Variants in PLA1A observed in about 807,000 individuals in gnomAD.
PLA1A encodes phospholipase A1 member A.
In PLA1A, 47 loss-of-function variants were observed where a neutral mutation model predicts 49.4. The observed-to-expected ratio is 0.95, with a 90% CI of 0.75 to 1.21. PLA1A has a LOEUF of 1.21. Ranked by LOEUF, PLA1A falls within the 50% of genes most tolerant of loss-of-function variation. The probability of loss-of-function intolerance (pLI) is 0.00; values close to 1 mark genes in which losing one functional copy is unlikely to be tolerated. For missense variants in PLA1A, 561 were observed against 563.9 expected (o/e 0.99, Z 0.05); for synonymous variants, 224 against 207.9 (o/e 1.08, Z -0.67).
intron 1 of PLA1A, among the ~76,000 whole-genome samples, chr3:119,606,540 G>A (rs1010558544): frequency 6.6e-6 from 1 of 152,090 alleles, no homozygotes; most frequent in Non-Finnish European, 1.5e-5. Context: ...TCATCTAGTT[G>A]AGCAATATTC....
At chr3:119,628,983 C>T in intron 10 of PLA1A, 118 bp downstream of exon 10, 1 of 839,792 alleles carries the variant, frequency 1.2e-6, no homozygotes, top group Admixed American at 2.3e-5. Flanking sequence ...ATCTTAGAAG[C>T]AGAGATGACA....
In PLA1A at chr3:119,629,497, C is replaced by A. The variant is rs762315018; in HGVS notation, c.*29C>A. On this transcript the variant is annotated 3_prime_UTR_variant, in exon 11 of 11. Transcript: ENST00000273371. ...AACCTGGGCAGGACACATCTCCCTG[C>A]ATTTTTTTTTTTTTTTTGAGAGAGA... The A allele has an allele frequency of 1.1e-4, 101 of 892,572 alleles. No individual in the cohort carries two copies. The highest frequency in any genetic ancestry group is 1.5e-4 in the Non-Finnish European group (91 of 617,016). 55.3% of individuals were successfully genotyped at this position (892,572 alleles called of 1,614,324 possible). A position where few individuals can be genotyped will look rare whatever the true frequency, so the allele number is the denominator to read the frequency against.
intron 6 of PLA1A, among the ~76,000 whole-genome samples, chr3:119,617,244 A>G (rs570467153): frequency 2.0e-5 from 3 of 152,348 alleles, no homozygotes; most frequent in South Asian, 4.1e-4. Flanking sequence ...GCCTCAGCAC[A>G]TTGGGTGTAG....
At chr3:119,598,032 A>T in intron 1 of PLA1A, 46 bp downstream of exon 1, 1 of 1,240,980 alleles carries the variant, frequency 8.1e-7, no homozygotes, top group Non-Finnish European at 1.2e-6. Context: ...TCAGTCAGTG[A>T]TCATATTTCT....
Position 119,616,194 on chromosome 3 carries a change from A to C in PLA1A, c.754+93A>C, listed in dbSNP as rs1443009079. ...TTGAGTCAGCCAGAGTGGGCCATAGAGGGTCTACTTGACAGTGTCCTTTGC... is the reference window on the plus strand; with the variant it reads ...TTGAGTCAGCCAGAGTGGGCCATAGCGGGTCTACTTGACAGTGTCCTTTGC... On this transcript the variant is annotated intron_variant, in intron 6 of 10. Coordinates refer to ENST00000273371, the MANE Select transcript of PLA1A (RefSeq NM_015900.4). 1.8e-5 allele frequency: 14 copies of C among 768,302 alleles called. No homozygotes were observed. In the African/African-American group the frequency reaches 2.0e-4, roughly 11 times the overall value. The allele number at this position is 768,302 out of a possible 1,614,324, so 47.6% of individuals were successfully genotyped here. A position where few individuals can be genotyped will look rare whatever the true frequency, so the allele number is the denominator to read the frequency against.
rs75121243 is a variant in PLA1A, at chr3:119,626,924, G to A, written c.1121+1692G>A. Among the ~76,000 whole-genome samples the A allele has an allele frequency of 6.9e-3, 1,049 of 152,290 alleles. 11 individuals carry two copies. The highest frequency in any genetic ancestry group is 0.023 in the African/African-American group (976 of 41,554). ...AAGGTTGTGCTACTTCTAGAAGGGT[G>A]TTTTCATCATCTTCTAGCCCATTGG... On this transcript the variant is annotated intron_variant, in intron 9 of 10. Coordinates refer to ENST00000273371, the MANE Select transcript of PLA1A (RefSeq NM_015900.4).
chr3:119,628,714 C>T lies in PLA1A; in HGVS notation c.1135C>T (p.Arg379Cys), dbSNP rs145577568. Reference protein sequence around the residue: ...SSKITIPKQQRYGKGIIAHAT... With the variant: ...SSKITIPKQQCYGKGIIAHAT... ...CTTTTCTTGCAGACCTAAGCAGCAA[C>T]GCTATGGGAAAGGAATCATAGCCCA... Residue 379 changes from arginine (R) to cysteine (C), a missense_variant, in exon 10 of 11, where the codon CGC becomes TGC. Arg to Cys is a radical substitution (Grantham distance 180). Transcript: ENST00000273371. 3.9e-4 allele frequency: 632 copies of T among 1,614,010 alleles called. 1 individual carries two copies. In the African/African-American group the frequency reaches 6.8e-3, roughly 17 times the overall value.
At chr3:119,622,180 G>A (rs1032442355) in intron 8 of PLA1A, among the ~76,000 whole-genome samples, 1 of 62,432 alleles carries the variant, frequency 1.6e-5, no homozygotes, top group African/African-American at 5.4e-5. Flanking sequence ...AGAAGAAGAA[G>A]AAGAAGAAGA....
At chr3:119,602,852 G>A (rs2082635432) in intron 1 of PLA1A, among the ~76,000 whole-genome samples, 1 of 152,154 alleles carries the variant, frequency 6.6e-6, no homozygotes, top group African/African-American at 2.4e-5. Context: ...AATAGGATGT[G>A]AGAGTAGACA....
chr3:119,600,740 T>C (rs1306086152), intron 1 of PLA1A, among the ~76,000 whole-genome samples: 1 of 152,178 alleles, frequency 6.6e-6, no homozygotes, highest in Admixed American at 6.5e-5. Context: ...TTCCAGAGGG[T>C]GGCCCATTTC....
intron 1 of PLA1A, among the ~76,000 whole-genome samples, chr3:119,599,582 T>G (rs1468971470): frequency 1.3e-5 from 2 of 152,206 alleles, no homozygotes; most frequent in Non-Finnish European, 2.9e-5. Context: ...CTGGGGCCTC[T>G]GTCACACAGA....
chr3:119,622,149 GGAAGAAGAAGAAGAAGAAGAAGAAGAA>G (rs59447645), intron 8 of PLA1A, among the ~76,000 whole-genome samples: 3 of 126,236 alleles, frequency 2.4e-5, no homozygotes, highest in African/African-American at 3.8e-5. Context: ...AGGAGGAGGA[GGAAGAAGAAGAAGAAGAAGAAGAAGAA>G]GAAGAAGAAG....
In PLA1A at chr3:119,602,499, TA is replaced by T. The variant is rs540243907; in HGVS notation, c.74-4274del. On this transcript the variant is annotated intron_variant, in intron 1 of 10. Transcript: ENST00000273371. ...ACTGTCTGTATTTATATACCTTTTT[TA>T]TTCCTGATATTGTTTACTTTTAACT... 1.4e-3 allele frequency among the ~76,000 whole-genome samples: 212 copies of T among 152,310 alleles called. 1 individual carries two copies. The highest frequency in any genetic ancestry group is 4.7e-3 in the African/African-American group (195 of 41,574).
chr3:119,629,498 A>ATATTTTTT lies in PLA1A; in HGVS notation c.*31_*32insATTTTTTT. 1 of 876,098 alleles carries ATATTTTTT rather than the reference A, an allele frequency of 1.1e-6. No individual in the cohort carries two copies. Among genetic ancestry groups the ATATTTTTT allele is most frequent in the Non-Finnish European group, 1.8e-6 (1 of 566,666 alleles). 54.3% of individuals were successfully genotyped at this position (876,098 alleles called of 1,614,324 possible). ...ACCTGGGCAGGACACATCTCCCTGC[A>ATATTTTTT]TTTTTTTTTTTTTTTTGAGAGAGAG... On this transcript the variant is annotated 3_prime_UTR_variant, in exon 11 of 11. Coordinates refer to ENST00000273371, the MANE Select transcript of PLA1A (RefSeq NM_015900.4).
rs41271395 is a variant in PLA1A at position 119,628,713 on chromosome 3, A to G, written c.1134A>G (p.Gln378=). 15,837 of 1,614,028 alleles carry G rather than the reference A, an allele frequency of 9.8e-3. 97 individuals carry two copies. The highest frequency in any genetic ancestry group is 0.012 in the Non-Finnish European group (14,470 of 1,179,864). ...CCTTTTCTTGCAGACCTAAGCAGCA[A>G]CGCTATGGGAAAGGAATCATAGCCC... The part of the protein sequence containing the change: ...SSSKITIPKQ[Q]RYGKGIIAHA... The change falls in exon 10 of 11, where the codon CAA becomes CAG. Residue 378 remains glutamine, a synonymous_variant. Coordinates refer to ENST00000273371, the MANE Select transcript of PLA1A (RefSeq NM_015900.4).
In PLA1A at chr3:119,618,138, C is replaced by T. The variant is rs368870376; in HGVS notation, c.874C>T (p.Arg292Cys). ...CASYKAFLAG[R>C]CLDCFNPFLL... The stretch of plus-strand genomic sequence containing the variant: ...CAGCTACAAGGCCTTCCTTGCTGGA[C>T]GCTGTCTGGATTGCTTTAACCCTTT... The change falls in exon 7 of 11, where the codon CGC becomes TGC. Residue 292 changes from arginine (R) to cysteine (C), a missense_variant. Physicochemically the swap from Arg to Cys is radical, Grantham distance 180. Coordinates refer to ENST00000273371, the MANE Select transcript of PLA1A (RefSeq NM_015900.4). 51 of 1,613,936 alleles carry T rather than the reference C, an allele frequency of 3.2e-5. No homozygotes were observed. Among genetic ancestry groups the T allele is most frequent in the South Asian group, 4.4e-5 (4 of 91,074 alleles).
At chr3:119,608,250 A>AAGAG (rs2082718222) in intron 2 of PLA1A, among the ~76,000 whole-genome samples, 6 of 82,560 alleles carry the variant, frequency 7.3e-5, no homozygotes, top group African/African-American at 1.5e-4. Flanking sequence ...GAGAGAAAGA[A>AAGAG]AGAAAGAAAG....
chr3:119,613,522 C>A (rs2082798510), intron 5 of PLA1A, among the ~76,000 whole-genome samples: 1 of 152,204 alleles, frequency 6.6e-6, no homozygotes, highest in Non-Finnish European at 1.5e-5. Flanking sequence ...CATTCCACTC[C>A]CCAGGCAGGC....
At chr3:119,627,045 A>C (rs1029867118) in intron 9 of PLA1A, among the ~76,000 whole-genome samples, 1 of 152,204 alleles carries the variant, frequency 6.6e-6, no homozygotes, top group Non-Finnish European at 1.5e-5. Flanking sequence ...ACTGACGCCA[A>C]GCCCCCCAAC....
Sources: gnomAD v4.1 joint callset for allele counts (sites outside exome capture counted in the v4.1 genomes callset) on GRCh38, gnomAD v4.1.1 for gene constraint, MANE v1.5 for transcripts, NCBI Gene and HGNC (gene_info 2026-07-23, HGNC 2026-07-21) for gene names.